Variants in RBFOX1 observed in about 807,000 individuals in gnomAD.
RBFOX1 encodes the protein RNA binding fox-1 homolog 1, also known as RNA binding protein fox-1 homolog 1.
A neutral mutation model predicts 57.7 loss-of-function variants in RBFOX1; 8 were observed. That is an observed-to-expected ratio of 0.14 (90% CI 0.08 to 0.25). The LOEUF (loss-of-function observed/expected upper bound fraction) is 0.25. Among genes scored for constraint, RBFOX1 ranks in the 10% least tolerant of loss-of-function variants. RBFOX1 has a pLI of 1.00. For missense variants in RBFOX1, 611 were observed against 548.5 expected (o/e 1.11, Z -1.14); for synonymous variants, 326 against 222.4 (o/e 1.47, Z -4.15).
intron 3 of RBFOX1, among the ~76,000 whole-genome samples, chr16:7,037,095 G>C (rs1037211305): frequency 6.6e-6 from 1 of 152,134 alleles, no homozygotes; most frequent in African/African-American, 2.4e-5. Flanking sequence ...GTTTTGGCTG[G>C]CTTCTTTACT....
chr16:6,618,827 C>A (rs1266066763), intron 2 of RBFOX1, among the ~76,000 whole-genome samples: 1 of 152,188 alleles, frequency 6.6e-6, no homozygotes, highest in East Asian at 1.9e-4. Flanking sequence ...CTGCACCTTG[C>A]TTCTCTTGGT....
At chr16:6,477,781 A>G (rs1455081373) in intron 2 of RBFOX1, among the ~76,000 whole-genome samples, 1 of 152,168 alleles carries the variant, frequency 6.6e-6, no homozygotes, top group Non-Finnish European at 1.5e-5. Flanking sequence ...TTTTGTCTAC[A>G]CTGAAAATCT....
chr16:7,006,801 G>C (rs931966678), intron 3 of RBFOX1, among the ~76,000 whole-genome samples: 3 of 152,138 alleles, frequency 2.0e-5, no homozygotes, highest in Non-Finnish European at 4.4e-5. Context: ...ACTTAGCAAA[G>C]TTAAGTCACC....
At chr16:6,631,668 G>A (rs1299024353) in intron 2 of RBFOX1, among the ~76,000 whole-genome samples, 1 of 152,122 alleles carries the variant, frequency 6.6e-6, no homozygotes, top group African/African-American at 2.4e-5. Flanking sequence ...ATAATGGTAC[G>A]TGCAATAAAG....
At chr16:7,304,297 G>T (rs559571842) in intron 4 of RBFOX1, 1 of 700,582 alleles carries the variant, frequency 1.4e-6, no homozygotes, top group Non-Finnish European at 1.7e-6. Context: ...AATTAAAAAA[G>T]AAAAAAAAAA....
At chr16:6,515,850 T>C (rs2096366314) in intron 2 of RBFOX1, among the ~76,000 whole-genome samples, 1 of 152,134 alleles carries the variant, frequency 6.6e-6, no homozygotes, top group Admixed American at 6.5e-5. Flanking sequence ...CTTGGGTGAA[T>C]TTCACTCTAT....
At chr16:5,991,958 T>C (rs2060407590) in intron 4 of RBFOX1, among the ~76,000 whole-genome samples, 1 of 152,136 alleles carries the variant, frequency 6.6e-6, no homozygotes, top group African/African-American at 2.4e-5. Context: ...TAACTGGAAT[T>C]GCTATGCACA....
intron 3 of RBFOX1, among the ~76,000 whole-genome samples, chr16:6,987,550 C>A (rs2090575084): frequency 6.6e-6 from 1 of 151,776 alleles, no homozygotes; most frequent in African/African-American, 2.4e-5. Context: ...TACACGGGCA[C>A]ATCTATACAT....
chr16:5,659,731 G>T (rs924319038), intron 3 of RBFOX1, among the ~76,000 whole-genome samples: 5 of 152,184 alleles, frequency 3.3e-5, no homozygotes, highest in African/African-American at 1.2e-4. Context: ...TAACTGATAA[G>T]TTAAAGAGTT....
chr16:7,334,181 G>A (rs987346831), intron 4 of RBFOX1, among the ~76,000 whole-genome samples: 1 of 152,102 alleles, frequency 6.6e-6, no homozygotes, highest in African/African-American at 2.4e-5. Flanking sequence ...GGTGATTAGA[G>A]TCATCTGGGG....
chr16:5,783,753 A>C, intron 3 of RBFOX1, among the ~76,000 whole-genome samples: 1 of 151,908 alleles, frequency 6.6e-6, no homozygotes, highest in East Asian at 1.9e-4. Flanking sequence ...CTTACCAAAA[A>C]CCTCCCTTGT....
intron 1 of RBFOX1, among the ~76,000 whole-genome samples, chr16:6,206,312 G>C (rs985934778): frequency 1.3e-5 from 2 of 152,094 alleles, no homozygotes; most frequent in Non-Finnish European, 2.9e-5. Context: ...ACTTTGCCAA[G>C]CTAGTTACCT....
At chr16:5,683,980 G>A (rs555308542) in intron 3 of RBFOX1, among the ~76,000 whole-genome samples, 12 of 151,990 alleles carry the variant, frequency 7.9e-5, no homozygotes, top group Admixed American at 7.9e-4. Context: ...TGGTCAAGTG[G>A]CTCATTCATT....
chr16:7,381,714 A>G (rs1405214391), intron 4 of RBFOX1, among the ~76,000 whole-genome samples: 3 of 152,212 alleles, frequency 2.0e-5, no homozygotes, highest in Non-Finnish European at 4.4e-5. Context: ...GCAAGTCAGG[A>G]ACAGTGGGCA....
At chr16:5,736,298 C>T (rs1329509201) in intron 3 of RBFOX1, among the ~76,000 whole-genome samples, 2 of 152,200 alleles carry the variant, frequency 1.3e-5, no homozygotes, top group Admixed American at 6.5e-5. Context: ...GAATTCTGAG[C>T]TGCCTCCTTT....
chr16:6,943,166 C>A (rs1219311814), intron 3 of RBFOX1, among the ~76,000 whole-genome samples: 1 of 152,164 alleles, frequency 6.6e-6, no homozygotes, highest in African/African-American at 2.4e-5. Context: ...ACCAGCTCTC[C>A]ACTCTCCACA....
intron 1 of RBFOX1, among the ~76,000 whole-genome samples, chr16:5,432,142 G>T (rs523933): frequency 0.57 from 86,495 of 151,954 alleles, 24,802 homozygotes; most frequent in East Asian, 0.67. Context: ...GGTCTCTGTG[G>T]AGGGAAAATC....
chr16:6,099,290 G>T (rs1044574878), intron 1 of RBFOX1, among the ~76,000 whole-genome samples: 1 of 152,174 alleles, frequency 6.6e-6, no homozygotes, highest in African/African-American at 2.4e-5. Context: ...TGGTTCATTG[G>T]TGTATAGATG....
intron 2 of RBFOX1, among the ~76,000 whole-genome samples, chr16:5,594,010 A>G (rs924546989): frequency 2.0e-5 from 3 of 150,232 alleles, no homozygotes; most frequent in Non-Finnish European, 3.0e-5. Flanking sequence ...CCTTCTGCCC[A>G]TTGTTCATGA....
Sources: allele counts gnomAD v4.1 joint callset (sites outside exome capture counted in the v4.1 genomes callset), GRCh38; gene constraint gnomAD v4.1.1; transcripts MANE v1.5; gene names NCBI Gene and HGNC (gene_info 2026-07-23, HGNC 2026-07-21).